The following RAD51B variants were observed in gnomAD, a reference collection of about 807,000 sequenced individuals.
RAD51B encodes RAD51 paralog B, also known as DNA repair protein RAD51 homolog 2.
Under a neutral mutation model 42.2 loss-of-function variants are expected in RAD51B, and 38 were observed. The observed-to-expected ratio is 0.90, with a 90% CI of 0.70 to 1.18. RAD51B has a LOEUF of 1.18. Among genes scored for constraint, RAD51B ranks in the 50% most tolerant of loss-of-function variants. The pLI is 0.00. For missense variants in RAD51B, 373 were observed against 400.7 expected, an observed-to-expected ratio of 0.93 and a Z score of 0.59; for synonymous variants, 154 against 145.2, an observed-to-expected ratio of 1.06 and a Z score of -0.43.
intron 8 of RAD51B, among the ~76,000 whole-genome samples, chr14:68,360,897 G>A (rs2083010923): frequency 6.6e-6 from 1 of 152,134 alleles, no homozygotes; most frequent in Non-Finnish European, 1.5e-5. Flanking sequence ...AGACTGAGGG[G>A]GTAGACAGAG....
chr14:67,920,850 C>T (rs2044300715), intron 7 of RAD51B, among the ~76,000 whole-genome samples: 3 of 151,946 alleles, frequency 2.0e-5, no homozygotes, highest in Admixed American at 2.0e-4. Flanking sequence ...ATTAAAGGTC[C>T]TATAGATGAT....
chr14:68,150,737 C>T (rs949478632), intron 7 of RAD51B, among the ~76,000 whole-genome samples: 2 of 151,872 alleles, frequency 1.3e-5, no homozygotes, highest in Non-Finnish European at 2.9e-5. Context: ...GCTGTAACTC[C>T]TTGTGTAGTT....
chr14:67,991,743 T>C (rs894669571), intron 7 of RAD51B, among the ~76,000 whole-genome samples: 2 of 152,184 alleles, frequency 1.3e-5, no homozygotes, highest in African/African-American at 4.8e-5. Context: ...TTGGGTGATA[T>C]AGACAGGAGT....
intron 7 of RAD51B, among the ~76,000 whole-genome samples, chr14:68,150,563 T>C (rs2078357110): frequency 6.6e-6 from 1 of 152,252 alleles, no homozygotes; most frequent in Non-Finnish European, 1.5e-5. Flanking sequence ...TATTTCCCTT[T>C]TGTTGATGCT....
At chr14:67,824,968 C>T (rs1235794601) in intron 2 of RAD51B, among the ~76,000 whole-genome samples, 1 of 149,280 alleles carries the variant, frequency 6.7e-6, no homozygotes, top group East Asian at 2.0e-4. Context: ...GTCCCAGCTA[C>T]TCAGGAGTCT....
intron 7 of RAD51B, among the ~76,000 whole-genome samples, chr14:67,909,519 C>T (rs760151883): frequency 2.6e-5 from 4 of 152,062 alleles, no homozygotes; most frequent in African/African-American, 4.8e-5. Context: ...TATATCTTTG[C>T]GGTTTTGTTT....
chr14:68,223,530 G>T (rs150415223), intron 7 of RAD51B, among the ~76,000 whole-genome samples: 76 of 152,278 alleles, frequency 5.0e-4, no homozygotes, highest in African/African-American at 1.7e-3. Flanking sequence ...AAGCTTACAG[G>T]CATGTGTAAT....
At chr14:68,186,866 A>C (rs2079168191) in intron 7 of RAD51B, among the ~76,000 whole-genome samples, 1 of 152,210 alleles carries the variant, frequency 6.6e-6, no homozygotes, top group East Asian at 1.9e-4. Flanking sequence ...TACTGGGTAT[A>C]TATCCAATAG....
chr14:67,970,024 G>A (rs896216204), intron 7 of RAD51B, among the ~76,000 whole-genome samples: 2 of 152,142 alleles, frequency 1.3e-5, no homozygotes, highest in African/African-American at 4.8e-5. Context: ...CGAACAAAAG[G>A]TTGGGAGTCA....
exon 11 of RAD51B, chr14:68,594,514 G>A (rs1485156159): frequency 7.3e-7 from 1 of 1,362,076 alleles, no homozygotes; most frequent in Admixed American, 2.0e-5. Context: ...CACCCAAGCT[G>A]AACTGAACTG....
At chr14:68,131,559 G>A (rs913512099) in intron 7 of RAD51B, among the ~76,000 whole-genome samples, 1 of 152,112 alleles carries the variant, frequency 6.6e-6, no homozygotes, top group African/African-American at 2.4e-5. Flanking sequence ...AGCCAGGCGT[G>A]GTGTCATGCG....
chr14:68,561,346 G>C (rs1189621563), intron 10 of RAD51B, among the ~76,000 whole-genome samples: 2 of 152,198 alleles, frequency 1.3e-5, no homozygotes, highest in African/African-American at 4.8e-5. Context: ...CTGTGGCAGA[G>C]CCTGGGAATC....
At chr14:68,619,486 T>C (rs1891899844) in intron 10 of RAD51B, among the ~76,000 whole-genome samples, 1 of 150,892 alleles carries the variant, frequency 6.6e-6, no homozygotes, top group African/African-American at 2.4e-5. Flanking sequence ...AAAAAAAAGT[T>C]AAAAGATAGA....
At chr14:68,450,143 G>C (rs922681794) in intron 9 of RAD51B, among the ~76,000 whole-genome samples, 1 of 151,294 alleles carries the variant, frequency 6.6e-6, no homozygotes, top group African/African-American at 2.4e-5. Context: ...CCTGGTAGGC[G>C]GATAGGAGCA....
chr14:68,119,085 C>G (rs1023911637), intron 7 of RAD51B, among the ~76,000 whole-genome samples: 1 of 151,738 alleles, frequency 6.6e-6, no homozygotes, highest in Non-Finnish European at 1.5e-5. Flanking sequence ...AGTCTCCCCA[C>G]GTACAGGCAC....
chr14:67,995,637 G>T lies in RAD51B; in HGVS notation c.756+108433G>T, dbSNP rs923427857. On this transcript the variant is annotated intron_variant, in intron 7 of 10. Transcript: ENST00000471583. Reference sequence around the variant, plus strand: ...TTTTTTTTTTTTTTTCTTTTGAGACGGAGTCTCTCTCTGTCACCCAGGCTG... The same window carrying T: ...TTTTTTTTTTTTTTTCTTTTGAGACTGAGTCTCTCTCTGTCACCCAGGCTG... Among the ~76,000 whole-genome samples, 118 of 148,464 alleles carry T rather than the reference G, an allele frequency of 7.9e-4. 1 individual carries two copies. The highest frequency in any genetic ancestry group is 7.1e-3 in the Middle Eastern group (2 of 282).
chr14:68,438,604 G>T (rs1420765069), intron 9 of RAD51B, among the ~76,000 whole-genome samples: 1 of 152,090 alleles, frequency 6.6e-6, no homozygotes, highest in East Asian at 1.9e-4. Context: ...TCAACATTTT[G>T]TCTTCCCCTG....
chr14:68,551,830 T>C (rs1010876376), intron 10 of RAD51B, among the ~76,000 whole-genome samples: 6 of 152,190 alleles, frequency 3.9e-5, no homozygotes, highest in African/African-American at 1.4e-4. Flanking sequence ...TTACCATCAG[T>C]TACATTTTAT....
chr14:68,249,322 G>T (rs2080569950), intron 7 of RAD51B, among the ~76,000 whole-genome samples: 1 of 152,096 alleles, frequency 6.6e-6, no homozygotes, highest in African/African-American at 2.4e-5. Flanking sequence ...AAAAAGAAAA[G>T]AATAGCATTA....
Sources: gnomAD v4.1 joint callset for allele counts (sites outside exome capture counted in the v4.1 genomes callset) on GRCh38, gnomAD v4.1.1 for gene constraint, MANE v1.5 for transcripts, NCBI Gene and HGNC (gene_info 2026-07-23, HGNC 2026-07-21) for gene names.